SGCD: variants seen among roughly 807,000 people sequenced by gnomAD.
SGCD encodes delta-sarcoglycan.
In SGCD, 18 loss-of-function variants were observed where a neutral mutation model predicts 36.6. The ratio of observed to expected loss-of-function variants is 0.49; its 90% CI spans 0.34 to 0.73. The LOEUF (loss-of-function observed/expected upper bound fraction) is 0.73, where lower values mean the gene tolerates loss of function less well. SGCD is among the 30% of genes least tolerant of loss of function. The probability of loss-of-function intolerance (pLI) is 0.01; values close to 1 mark genes in which losing one functional copy is unlikely to be tolerated. For synonymous variants in SGCD, 133 were observed against 130.6 expected, an observed-to-expected ratio of 1.02 and a Z score of -0.12; for missense variants, 387 against 346.7, an observed-to-expected ratio of 1.12 and a Z score of -0.92.
chr5:156,500,222 C>G (rs757476627), intron 3 of SGCD, among the ~76,000 whole-genome samples: 2 of 152,164 alleles, frequency 1.3e-5, no homozygotes, highest in Non-Finnish European at 2.9e-5. Flanking sequence ...TCATTCCCCA[C>G]ACTACCTTTC....
Position 156,148,831 on chromosome 5 carries a change from T to G in SGCD, c.-44+24812T>G, listed in dbSNP as rs1221223871. Among the ~76,000 whole-genome samples the G allele has an allele frequency of 3.3e-5, 5 of 152,120 alleles. No homozygotes were observed. In the South Asian group the frequency reaches 1.0e-3, roughly 32 times the overall value. On this transcript the variant is annotated intron_variant, in intron 3 of 9. Transcript: ENST00000517913. ...TTCAATCTATATCTAATCTTTAGGG[T>G]CCGGGGTCTGGAAAGTTTTCTCTAG...
chr5:156,323,659 C>A (rs11738065), upstream of SGCD, among the ~76,000 whole-genome samples: 1 of 151,854 alleles, frequency 6.6e-6, no homozygotes. Context: ...AATTTTTAAC[C>A]GACTTCTGTG....
upstream of SGCD, among the ~76,000 whole-genome samples, chr5:156,323,134 G>C (rs1380027515): frequency 6.6e-6 from 1 of 152,150 alleles, no homozygotes; most frequent in Non-Finnish European, 1.5e-5. Flanking sequence ...ACCTGTCATA[G>C]AGTGGTCCAA....
intron 3 of SGCD, among the ~76,000 whole-genome samples, chr5:156,388,376 G>A (rs1202792552): frequency 6.6e-6 from 1 of 152,138 alleles, no homozygotes; most frequent in Non-Finnish European, 1.5e-5. Context: ...GTCATTCAAC[G>A]ACCAGATGCC....
intron 1 of SGCD, among the ~76,000 whole-genome samples, chr5:156,024,280 A>G (rs1759176298): frequency 6.6e-6 from 1 of 151,650 alleles, no homozygotes; most frequent in Non-Finnish European, 1.5e-5. Context: ...GAGGAAGAAA[A>G]TAGAGTGTAA....
At chr5:156,617,940 C>T (rs1329899240) in intron 6 of SGCD, among the ~76,000 whole-genome samples, 1 of 152,222 alleles carries the variant, frequency 6.6e-6, no homozygotes, top group Non-Finnish European at 1.5e-5. Context: ...TTCTGTCACA[C>T]TTACCAGCCA....
At chr5:155,952,330 AT>A (rs1229313135) in intron 1 of SGCD, among the ~76,000 whole-genome samples, 2 of 151,976 alleles carry the variant, frequency 1.3e-5, no homozygotes, top group Admixed American at 6.6e-5. Flanking sequence ...GTCAAAGTGG[AT>A]GTTTTCCTGC....
chr5:156,587,486 C>A (rs1335028059), intron 4 of SGCD, among the ~76,000 whole-genome samples: 1 of 152,136 alleles, frequency 6.6e-6, no homozygotes, highest in Admixed American at 6.5e-5. Context: ...ACCTTTCATA[C>A]CAGGAGAGCA....
chr5:156,045,007 T>C (rs962140524), intron 1 of SGCD, among the ~76,000 whole-genome samples: 1 of 152,174 alleles, frequency 6.6e-6, no homozygotes, highest in Non-Finnish European at 1.5e-5. Context: ...CATGGTGCAG[T>C]GTTTGCTTGG....
intron 3 of SGCD, among the ~76,000 whole-genome samples, chr5:156,389,895 T>C (rs1239108600): frequency 1.9e-5 from 2 of 104,450 alleles, no homozygotes; most frequent in East Asian, 5.9e-4. Context: ...GGCTGGTATA[T>C]ATTATGTTAC....
the SGCD span, among the ~76,000 whole-genome samples, chr5:155,858,352 T>C: frequency 6.6e-6 from 1 of 152,232 alleles, no homozygotes; most frequent in South Asian, 2.1e-4. Flanking sequence ...TACATACATA[T>C]ATCAAGACCT....
chr5:155,871,389 C>T (rs769524867), intron 1 of SGCD, among the ~76,000 whole-genome samples: 16 of 152,156 alleles, frequency 1.1e-4, no homozygotes, highest in African/African-American at 2.4e-4. Flanking sequence ...ACCTCTCTGC[C>T]GAAGTCCTTA....
chr5:156,517,923 A>G (rs1757248381), intron 4 of SGCD, among the ~76,000 whole-genome samples: 1 of 152,198 alleles, frequency 6.6e-6, no homozygotes, highest in Admixed American at 6.5e-5. Flanking sequence ...TTATGAAGCA[A>G]CTACACCAAC....
intron 3 of SGCD, among the ~76,000 whole-genome samples, chr5:156,141,360 G>A (rs988886780): frequency 3.3e-5 from 5 of 152,118 alleles, no homozygotes; most frequent in Non-Finnish European, 4.4e-5. Context: ...CAGAACTATG[G>A]AGGCACCAAA....
In SGCD at chr5:156,589,280, T is replaced by C; in HGVS notation, c.344T>C (p.Leu115Pro). 6.3e-7 allele frequency: 1 copy of C among 1,575,422 alleles called. No homozygotes were observed. Among genetic ancestry groups the C allele is most frequent in the Non-Finnish European group, 8.6e-7 (1 of 1,158,780 alleles). ...KSARNVTVNI[L>P]NDQTKVLTQL... ...GCCAGAAATGTTACAGTGAACATTCTCAATGACCAGACTAAAGTGCTAACT... is the reference window on the plus strand; with the variant it reads ...GCCAGAAATGTTACAGTGAACATTCCCAATGACCAGACTAAAGTGCTAACT... The change falls in exon 5 of 9, where the codon CTC (leucine) becomes CCC (proline). Residue 115 changes from leucine (L) to proline (P), a missense_variant. Leu to Pro is a moderately conservative substitution (Grantham distance 98). Coordinates refer to ENST00000337851, the MANE Select transcript of SGCD (RefSeq NM_000337.6).
At chr5:156,487,813 A>AAAAAAAAAAAAAAAAAAAAAAAAAAAAAG (rs1554107842) in intron 3 of SGCD, among the ~76,000 whole-genome samples, 2 of 77,812 alleles carry the variant, frequency 2.6e-5, no homozygotes, top group Non-Finnish European at 5.0e-5. Context: ...AAAAAAAAAA[A>AAAAAAAAAAAAAAAAAAAAAAAAAAAAAG]AAAGAAAGAA....
the SGCD span, among the ~76,000 whole-genome samples, chr5:155,748,820 G>T: frequency 1.3e-5 from 2 of 152,152 alleles, no homozygotes; most frequent in Non-Finnish European, 1.5e-5. Flanking sequence ...AGAGAGAAAA[G>T]AAATAGTAGT....
In SGCD at chr5:156,707,254, A is replaced by C. The variant is rs573632088; in HGVS notation, c.576-50327A>C. 1.8e-4 allele frequency among the ~76,000 whole-genome samples: 28 copies of C among 152,288 alleles called. 1 individual carries two copies. The South Asian group carries it at 5.0e-3, about 27-fold the overall frequency. On this transcript the variant is annotated intron_variant, in intron 7 of 8. Transcript: ENST00000337851. ...CTGTATACCAGGGTGGCATTTTAGTACATATTAGAAATCTATGCCAACCAG... is the reference window on the plus strand; with the variant it reads ...CTGTATACCAGGGTGGCATTTTAGTCCATATTAGAAATCTATGCCAACCAG...
chr5:156,036,499 C>G (rs1759500979), intron 1 of SGCD, among the ~76,000 whole-genome samples: 1 of 152,126 alleles, frequency 6.6e-6, no homozygotes, highest in Non-Finnish European at 1.5e-5. Context: ...TGGGAAAGCA[C>G]TAGGCATTTT....
Sources: gnomAD v4.1 joint callset for allele counts (sites outside exome capture counted in the v4.1 genomes callset) on GRCh38, gnomAD v4.1.1 for gene constraint, MANE v1.5 for transcripts, NCBI Gene and HGNC (gene_info 2026-07-23, HGNC 2026-07-21) for gene names.